Variants in TRERF1 observed in about 807,000 individuals in gnomAD.
TRERF1 encodes transcriptional regulating factor 1.
In TRERF1, 27 loss-of-function variants were observed where a neutral mutation model predicts 122.9. The ratio of observed to expected loss-of-function variants is 0.22; its 90% CI spans 0.16 to 0.30. The LOEUF (loss-of-function observed/expected upper bound fraction) is 0.30. TRERF1 is among the 10% of genes least tolerant of loss of function. TRERF1 has a pLI of 1.00. For synonymous variants in TRERF1, 636 were observed against 641.7 expected, an observed-to-expected ratio of 0.99 and a Z score of 0.13; for missense variants, 1,248 against 1,560.3, an observed-to-expected ratio of 0.80 and a Z score of 3.37.
chr6:42,403,906 A>C (rs1326403112), intron 2 of TRERF1, among the ~76,000 whole-genome samples: 1 of 151,862 alleles, frequency 6.6e-6, no homozygotes, highest in Non-Finnish European at 1.5e-5. Flanking sequence ...GCTCATCCGC[A>C]CTGACAGACT....
At chr6:42,285,209 G>T (rs1009387170) in intron 4 of TRERF1, among the ~76,000 whole-genome samples, 1 of 152,076 alleles carries the variant, frequency 6.6e-6, no homozygotes, top group South Asian at 2.1e-4. Context: ...TCCCTTGTAA[G>T]TTGGATTCCT....
intron 2 of TRERF1, among the ~76,000 whole-genome samples, chr6:42,400,402 G>T (rs1779217013): frequency 6.6e-6 from 1 of 152,242 alleles, no homozygotes; most frequent in African/African-American, 2.4e-5. Flanking sequence ...GTGAGGTGGG[G>T]CGGGGGCAGC....
rs1206342521 is a variant in TRERF1, at chr6:42,393,474, T to C, written c.-453-30395A>G. On this transcript the variant is annotated intron_variant, in intron 2 of 17. Transcript: ENST00000372922. This position sits in a 1 kb window ranked among gnomAD's most constrained non-coding sequence, Gnocchi z 4.1. ...AAGTAAGTAAAGGTCAGAACAGAGA[T>C]TCAGGAGAGGTACAGCACTTAAGCA... 1.3e-5 allele frequency among the ~76,000 whole-genome samples: 2 copies of C among 152,120 alleles called. No individual in the cohort carries two copies. Among genetic ancestry groups the C allele is most frequent in the Non-Finnish European group, 2.9e-5 (2 of 68,022 alleles).
At chr6:42,445,679 A>G (rs1787387580) in intron 2 of TRERF1, among the ~76,000 whole-genome samples, 1 of 152,072 alleles carries the variant, frequency 6.6e-6, no homozygotes, top group Non-Finnish European at 1.5e-5. Flanking sequence ...TGCACAAGCC[A>G]GAAACCTCGG....
intron 3 of TRERF1, among the ~76,000 whole-genome samples, chr6:42,343,666 G>C (rs1767723931): frequency 6.6e-6 from 1 of 152,240 alleles, no homozygotes; most frequent in Non-Finnish European, 1.5e-5. Flanking sequence ...CTGCAGCCAA[G>C]AGAACTTCTG....
exon 11 of TRERF1, chr6:42,256,987 C>G: frequency 1.2e-6 from 2 of 1,614,216 alleles, no homozygotes; most frequent in Non-Finnish European, 1.7e-6. Flanking sequence ...TCATGGTTTT[C>G]TAGTTCTGGC....
rs868163504 is a variant in TRERF1 at position 42,262,561 on chromosome 6, G to C, written c.1884+759C>G. 4.8e-4 allele frequency among the ~76,000 whole-genome samples: 65 copies of C among 135,806 alleles called. 6 individuals carry two copies. Among genetic ancestry groups the C allele is most frequent in the African/African-American group, 1.8e-3 (64 of 34,662 alleles). 89.1% of individuals were successfully genotyped at this position (135,806 alleles called of 152,430 possible). The stretch of plus-strand genomic sequence containing the variant: ...AGAGAGAGAGAGAGAGAGAGAGAGA[G>C]AGAGAGAGAGAGAGAGAGAGAGAGA... On this transcript the variant is annotated intron_variant, in intron 8 of 17. Transcript: ENST00000372922.
chr6:42,319,739 C>T (rs1022481576), intron 3 of TRERF1, among the ~76,000 whole-genome samples: 7 of 148,936 alleles, frequency 4.7e-5, no homozygotes, highest in African/African-American at 1.7e-4. Flanking sequence ...GGAAGGATTG[C>T]TTGAGCCTGG....
chr6:42,413,776 A>G (rs1004920356), intron 2 of TRERF1, among the ~76,000 whole-genome samples: 1 of 152,156 alleles, frequency 6.6e-6, no homozygotes, highest in South Asian at 2.1e-4. Flanking sequence ...CTTCGTGTGC[A>G]CCTTAAAGTT....
At chr6:42,335,543 G>A (rs1581656070) in intron 3 of TRERF1, among the ~76,000 whole-genome samples, 1 of 152,220 alleles carries the variant, frequency 6.6e-6, no homozygotes, top group African/African-American at 2.4e-5. Context: ...GTGCTTGGCA[G>A]GGTTAGCCAG....
chr6:42,427,596 G>C (rs1484323918), intron 2 of TRERF1, among the ~76,000 whole-genome samples: 1 of 149,388 alleles, frequency 6.7e-6, no homozygotes, highest in Non-Finnish European at 1.5e-5. Flanking sequence ...TGTCACCCAG[G>C]CTGGAGTGTG....
In TRERF1 at chr6:42,316,196, G is replaced by A. The variant is rs545766652; in HGVS notation, c.-370-15447C>T. Among the ~76,000 whole-genome samples the A allele has an allele frequency of 4.9e-4, 74 of 152,244 alleles. 1 individual carries two copies. The highest frequency in any genetic ancestry group is 1.7e-3 in the African/African-American group (69 of 41,542). On this transcript the variant is annotated intron_variant, in intron 3 of 17. Transcript: ENST00000372922. ...CTGTGATGACCAATGACTCTGGCAC[G>A]CAGTTAACCCCAAGCATGCACCTCC...
At chr6:42,313,691 G>A (rs756581246) in intron 3 of TRERF1, among the ~76,000 whole-genome samples, 1 of 152,136 alleles carries the variant, frequency 6.6e-6, no homozygotes, top group Non-Finnish European at 1.5e-5. Context: ...GACCATATGA[G>A]GGAGAACCTA....
chr6:42,337,778 C>T (rs920875352), intron 3 of TRERF1, among the ~76,000 whole-genome samples: 2 of 152,168 alleles, frequency 1.3e-5, no homozygotes, highest in African/African-American at 2.4e-5. Context: ...TGGTTCTCAA[C>T]CTTGGCATAT....
intron 2 of TRERF1, among the ~76,000 whole-genome samples, chr6:42,407,396 G>C (rs181668234): frequency 1.3e-5 from 2 of 152,264 alleles, no homozygotes; most frequent in East Asian, 3.9e-4. Flanking sequence ...GCTAGTCCTG[G>C]ATCTGCCCCC....
chr6:42,267,413 G>C (rs911368813), intron 5 of TRERF1, among the ~76,000 whole-genome samples: 9 of 152,116 alleles, frequency 5.9e-5, no homozygotes, highest in Admixed American at 5.2e-4. Flanking sequence ...GGCGCATCAT[G>C]AGGTCGGAGT....
chr6:42,418,597 G>A (rs1408442537), intron 2 of TRERF1, among the ~76,000 whole-genome samples: 1 of 152,020 alleles, frequency 6.6e-6, no homozygotes, highest in Non-Finnish European at 1.5e-5. Flanking sequence ...ACAGCTCCCA[G>A]GTGATGCTGC....
intron 3 of TRERF1, among the ~76,000 whole-genome samples, chr6:42,307,391 A>C (rs889635820): frequency 6.6e-6 from 1 of 152,214 alleles, no homozygotes; most frequent in Non-Finnish European, 1.5e-5. Context: ...ATACACTTAA[A>C]TATTTGGAGT....
rs34858601 is a variant in TRERF1 at position 42,243,879 on chromosome 6, C to CTT, written c.2746-520_2746-519dup. Among the ~76,000 whole-genome samples the CTT allele has an allele frequency of 2.2e-3, 269 of 123,344 alleles. 9 individuals are homozygous for CTT. Among genetic ancestry groups the CTT allele is most frequent in the African/African-American group, 6.7e-3 (207 of 31,054 alleles). The allele number at this position is 123,344 out of a possible 152,430, so 80.9% of individuals were successfully genotyped here. ...ACGGGCGTGAGTCACTGCGCCCAGCCTTTTTTTTTTTTTTTTTGAGATGGA... is the reference window on the plus strand; with the variant it reads ...ACGGGCGTGAGTCACTGCGCCCAGCCTTTTTTTTTTTTTTTTTTTGAGATGGA... On this transcript the variant is annotated intron_variant, in intron 14 of 17. Coordinates refer to ENST00000372922, the Ensembl canonical transcript of TRERF1.
Sources: gnomAD v4.1 joint callset for allele counts (sites outside exome capture counted in the v4.1 genomes callset) on GRCh38, gnomAD v4.1.1 for gene constraint, Gnocchi (gnomAD v3.1) non-coding constraint, MANE v1.5 for transcripts, NCBI Gene and HGNC (gene_info 2026-07-23, HGNC 2026-07-21) for gene names.